Variants in DNM1 observed in about 807,000 individuals in gnomAD.
The protein encoded by DNM1 is dynamin-1.
Under a neutral mutation model 104.6 loss-of-function variants are expected in DNM1, and 29 were observed. The observed-to-expected ratio is 0.28, with a 90% CI of 0.21 to 0.38. The LOEUF (loss-of-function observed/expected upper bound fraction) is 0.38, where lower values mean the gene tolerates loss of function less well. DNM1 is among the 10% of genes least tolerant of loss of function. The probability of loss-of-function intolerance (pLI) is 1.00; values close to 1 mark genes in which losing one functional copy is unlikely to be tolerated. For missense variants in DNM1, 640 were observed against 1,189.4 expected (o/e 0.54, Z 6.79); for synonymous variants, 445 against 475.8 (o/e 0.94, Z 0.84).
chr9:128,236,380 C>T lies in DNM1; in HGVS notation c.1422+2273C>T. Among the ~76,000 whole-genome samples the T allele has an allele frequency of 1.3e-5, 2 of 152,210 alleles. 1 individual carries two copies. The highest frequency in any genetic ancestry group is 2.9e-5 in the Non-Finnish European group (2 of 68,042). ...TCTCCATGATGCTGCCATCTCCATT[C>T]ATTCATGTTTTTGTTGTTGATGTCA... On this transcript the variant is annotated intron_variant, in intron 11 of 21. Coordinates refer to ENST00000372923, the MANE Select transcript of DNM1 (RefSeq NM_004408.4).
chr9:128,254,299 T>G lies in DNM1; in HGVS notation c.2535-355T>G. ...CAAGGGGTGGCCCCAGGCCAGTGGG[T>G]TGGAAGACAGGGTGACCAGAGAAGA... On this transcript the variant is annotated intron_variant, in intron 21 of 21. Coordinates refer to ENST00000372923, the MANE Select transcript of DNM1 (RefSeq NM_004408.4). The surrounding 1 kb of genome is among the most constrained non-coding windows in gnomAD (Gnocchi z 6.1). The G allele has an allele frequency of 7.2e-7, 1 of 1,384,538 alleles. No individual in the cohort carries two copies. The highest frequency in any genetic ancestry group is 9.3e-7 in the Non-Finnish European group (1 of 1,079,322). The allele number at this position is 1,384,538 out of a possible 1,614,324, so 85.8% of individuals were successfully genotyped here.
intron 1 of DNM1, among the ~76,000 whole-genome samples, chr9:128,208,801 G>A (rs927584578): frequency 6.6e-6 from 1 of 152,158 alleles, no homozygotes; most frequent in African/African-American, 2.4e-5. Flanking sequence ...TGACATTGAG[G>A]GGAGGGGGGC....
intron 10 of DNM1, chr9:128,226,038 G>C (rs770984106): frequency 1.9e-6 from 3 of 1,612,500 alleles, no homozygotes; most frequent in Non-Finnish European, 2.5e-6. Context: ...GGTGCAGGAC[G>C]GGCCTCTTCA....
At position 128,246,518 on chromosome 9, in the gene DNM1, CT is replaced by C; in HGVS notation, c.1781+16del. On this transcript the variant is annotated intron_variant, in intron 16 of 21. Coordinates refer to ENST00000372923, the MANE Select transcript of DNM1 (RefSeq NM_004408.4). ...ACGGAGCAGAGGTGCCTGCCTGCCC[CT>C]GGCTGTGGCTGCTGCAGCCCCAAAA... 1 of 1,601,836 alleles carries C rather than the reference CT, an allele frequency of 6.2e-7. No homozygotes were observed. The highest frequency in any genetic ancestry group is 8.6e-7 in the Non-Finnish European group (1 of 1,169,148).
At chr9:128,204,291 C>T (rs1376609564) in intron 1 of DNM1, 2 of 152,348 alleles carry the variant, frequency 1.3e-5, no homozygotes, top group Non-Finnish European at 2.9e-5. Context: ...TTATCCTTTT[C>T]TGAGCAGCCG....
At chr9:128,232,201 C>G in intron 10 of DNM1, 1 of 384,832 alleles carries the variant, frequency 2.6e-6, no homozygotes, top group Non-Finnish European at 5.2e-6. Flanking sequence ...CCTCCAAACT[C>G]TACCCTGGGA....
At position 128,218,355 on chromosome 9, in the gene DNM1, C is replaced by A; in HGVS notation, c.235+51C>A. 6.3e-7 allele frequency: 1 copy of A among 1,598,722 alleles called. No individual in the cohort carries two copies. The highest frequency in any genetic ancestry group is 8.6e-7 in the Non-Finnish European group (1 of 1,166,014). ...CAGGCCTGCCCACTCCAGCCTCTCC[C>A]CCGTCCCCAAGCTGAGGGCCAGCCT... On this transcript the variant is annotated intron_variant, in intron 2 of 21. Coordinates refer to ENST00000372923, the MANE Select transcript of DNM1 (RefSeq NM_004408.4). The surrounding 1 kb of genome is among the most constrained non-coding windows in gnomAD (Gnocchi z 4.8).
chr9:128,227,573 G>A (rs751282927), intron 10 of DNM1, among the ~76,000 whole-genome samples: 1 of 151,540 alleles, frequency 6.6e-6, no homozygotes, highest in Non-Finnish European at 1.5e-5. Context: ...GTAGAGACGG[G>A]GTTTCACCAT....
Position 128,224,102 on chromosome 9 carries a change from T to C in DNM1, c.1197-149T>C, listed in dbSNP as rs1014667575. The C allele has an allele frequency of 2.0e-6, 2 of 991,442 alleles. No individual in the cohort carries two copies. The highest frequency in any genetic ancestry group is 2.8e-6 in the Non-Finnish European group (2 of 703,724). 61.4% of individuals were successfully genotyped at this position (991,442 alleles called of 1,614,324 possible). On this transcript the variant is annotated intron_variant, in intron 9 of 21. Coordinates refer to ENST00000372923, the MANE Select transcript of DNM1 (RefSeq NM_004408.4). The surrounding 1 kb of genome is among the most constrained non-coding windows in gnomAD (Gnocchi z 4.3). ...CCTTCATTAGAACCCCTCCCTCCCA[T>C]TTTACAACTGGGGACACTGAGGCCC... is the stretch of plus-strand genomic sequence containing the variant.
chr9:128,212,604 A>G (rs1429434457), intron 1 of DNM1, among the ~76,000 whole-genome samples: 2 of 152,254 alleles, frequency 1.3e-5, no homozygotes, highest in African/African-American at 2.4e-5. Flanking sequence ...TAGAGAAGCT[A>G]TCAAAGGGCT....
At chr9:128,235,627 T>A (rs1171997713) in intron 11 of DNM1, among the ~76,000 whole-genome samples, 3 of 152,216 alleles carry the variant, frequency 2.0e-5, no homozygotes, top group African/African-American at 7.2e-5. Flanking sequence ...TGAAGATGAG[T>A]GTACAAATCC....
Position 128,239,717 on chromosome 9 carries a change from C to A in DNM1, c.1494-11C>A. On this transcript the variant is annotated splice_polypyrimidine_tract_variant and intron_variant, in intron 12 of 21. Coordinates refer to ENST00000372923, the MANE Select transcript of DNM1 (RefSeq NM_004408.4). ...GAGAAGTTCTGAGACTCCTCCCCTCCCTCCCATTAGTGCTCAGCAGAGGAG... is the reference window on the plus strand; with the variant it reads ...GAGAAGTTCTGAGACTCCTCCCCTCACTCCCATTAGTGCTCAGCAGAGGAG... 2 of 1,612,406 alleles carry A rather than the reference C, an allele frequency of 1.2e-6. No homozygotes were observed. Among genetic ancestry groups the A allele is most frequent in the Non-Finnish European group, 1.7e-6 (2 of 1,179,198 alleles).
At chr9:128,219,906 C>A in intron 4 of DNM1, 82 bp from the exon 5 acceptor site, 2 of 1,134,124 alleles carry the variant, frequency 1.8e-6, no homozygotes, top group Non-Finnish European at 2.5e-6. Context: ...CCGAGGAGAG[C>A]AGGGGGATGG....
intron 21 of DNM1, chr9:128,251,296 A>T (rs1829503630): frequency 2.3e-6 from 1 of 427,416 alleles, no homozygotes; most frequent in Admixed American, 2.8e-5. Context: ...TCCATCCTCC[A>T]TTCCGTCCAA....
chr9:128,213,913 G>A lies in DNM1; in HGVS notation c.162-4318G>A, dbSNP rs527378121. Among the ~76,000 whole-genome samples the A allele has an allele frequency of 3.1e-4, 47 of 152,202 alleles. 1 individual carries two copies. Among genetic ancestry groups the A allele is most frequent in the Admixed American group, 1.2e-3 (19 of 15,274 alleles). On this transcript the variant is annotated intron_variant, in intron 1 of 21. Transcript: ENST00000372923. ...CAGCTTGAAATTCATGAGCTGTGAC[G>A]GGGCTGCCTAGGGTCCCCTGGGGCA... is the stretch of plus-strand genomic sequence containing the variant.
rs534956273 is a variant in DNM1, at chr9:128,245,949, G to C, written c.1672-445G>C. 2.0e-5 allele frequency among the ~76,000 whole-genome samples: 3 copies of C among 152,362 alleles called. No individual in the cohort carries two copies. In the South Asian group the frequency reaches 6.2e-4, roughly 32 times the overall value. On this transcript the variant is annotated intron_variant, in intron 15 of 21. Coordinates refer to ENST00000372923, the MANE Select transcript of DNM1 (RefSeq NM_004408.4). The surrounding 1 kb of genome is among the most constrained non-coding windows in gnomAD (Gnocchi z 5.2). ...CTGCCTTATTGCTAACACATGGGGA[G>C]CTCGGGGGAGTGGGCTGAGCCGGCC... is the stretch of plus-strand genomic sequence containing the variant.
chr9:128,239,451 C>A lies in DNM1; in HGVS notation c.1429C>A (p.Leu477Ile), dbSNP rs1836224478. The change falls in exon 12 of 22, where the codon CTT becomes ATT. Residue 477 changes from leucine (L) to isoleucine (I), a missense_variant. Around this residue, in one of 7 missense-constraint regions of DNM1, gnomAD observed 92 missense variants for 124.4 expected, o/e 0.74. Coordinates refer to ENST00000372923, the MANE Select transcript of DNM1 (RefSeq NM_004408.4). The stretch of plus-strand genomic sequence containing the variant: ...AACCTATGTATCCTTGAAGGTCATG[C>A]TTCTCATCGATATCGAGCTGGCTTA... Reference protein sequence around the residue: ...REGRTKEQVMLLIDIELAYMN... With the variant: ...REGRTKEQVMILIDIELAYMN... 13 of 1,613,660 alleles carry A rather than the reference C, an allele frequency of 8.1e-6. No individual in the cohort carries two copies. The highest frequency in any genetic ancestry group is 1.1e-5 in the Non-Finnish European group (13 of 1,179,712).
rs1047183268 is a variant in DNM1, at chr9:128,247,026, G to A, written c.1782-349G>A. ...CTCGGAGATGAGAGTTCAGTCCAGCGGCCATCAGAGGGGTCCTTAGAGAGC... is the reference window on the plus strand; with the variant it reads ...CTCGGAGATGAGAGTTCAGTCCAGCAGCCATCAGAGGGGTCCTTAGAGAGC... On this transcript the variant is annotated intron_variant, in intron 16 of 21. Transcript: ENST00000372923. This position sits in a 1 kb window ranked among gnomAD's most constrained non-coding sequence, Gnocchi z 5.1. The A allele has an allele frequency of 2.1e-5, 5 of 236,882 alleles. No individual in the cohort carries two copies. Among genetic ancestry groups the A allele is most frequent in the Admixed American group, 4.9e-5 (1 of 20,592 alleles). 14.7% of individuals were successfully genotyped at this position (236,882 alleles called of 1,614,324 possible). A position where few individuals can be genotyped will look rare whatever the true frequency, so the allele number is the denominator to read the frequency against.
chr9:128,219,297 A>T, intron 4 of DNM1, 45 bp downstream of exon 4: 1 of 1,540,150 alleles, frequency 6.5e-7, no homozygotes, highest in South Asian at 1.1e-5. Flanking sequence ...CCAGGCTTGC[A>T]GGCTGTCTAT....
Sources: gnomAD v4.1 joint callset for allele counts (sites outside exome capture counted in the v4.1 genomes callset) on GRCh38, gnomAD v4.1.1 for gene constraint, gnomAD v4.1.1 regional missense constraint, Gnocchi (gnomAD v3.1) non-coding constraint, MANE v1.5 for transcripts, NCBI Gene and HGNC (gene_info 2026-07-23, HGNC 2026-07-21) for gene names.